Variants in PIEZO2 observed in about 807,000 individuals in gnomAD.
The protein encoded by PIEZO2 is piezo type mechanosensitive ion channel component 2.
A neutral mutation model predicts 337.3 loss-of-function variants in PIEZO2; 172 were observed. The ratio of observed to expected loss-of-function variants is 0.51; its 90% CI spans 0.45 to 0.58. The LOEUF is 0.58. Ranked by LOEUF, PIEZO2 falls within the 20% of genes least tolerant of loss-of-function variation. The pLI, the probability that PIEZO2 is intolerant of heterozygous loss-of-function variation, is 0.00. For synonymous variants in PIEZO2, 1,251 were observed against 1,228.5 expected (o/e 1.02, Z -0.38); for missense variants, 3,028 against 3,391.3 (o/e 0.89, Z 2.66).
Position 11,148,489 on chromosome 18 carries a change from C to T in PIEZO2, c.64+36G>A, listed in dbSNP as rs1382795012. Reference sequence around the variant, plus strand: ...CCCCCACCCAGGCGCCCCCCTCGTCCTCCTCAAGTGCCCTCGGAAAGCGGA... The same window carrying T: ...CCCCCACCCAGGCGCCCCCCTCGTCTTCCTCAAGTGCCCTCGGAAAGCGGA... On this transcript the variant is annotated intron_variant, in intron 1 of 55. Coordinates refer to ENST00000674853, the MANE Select transcript of PIEZO2 (RefSeq NM_001378183.1). The surrounding 1 kb of genome is among the most constrained non-coding windows in gnomAD (Gnocchi z 5.2). The T allele has an allele frequency of 1.3e-6, 2 of 1,535,994 alleles. No individual in the cohort carries two copies. The highest frequency in any genetic ancestry group is 1.7e-6 in the Non-Finnish European group (2 of 1,145,866).
chr18:10,944,014 A>G (rs111559586), intron 3 of PIEZO2, among the ~76,000 whole-genome samples: 4,620 of 152,294 alleles, frequency 0.03, 233 homozygotes, highest in African/African-American at 0.1. Context: ...CTCCCCAGCC[A>G]TGTGGAACCG....
rs564405296 is a variant in PIEZO2, at chr18:10,799,965, T to A, written c.1378+372A>T. Among the ~76,000 whole-genome samples the A allele has an allele frequency of 1.3e-3, 115 of 86,794 alleles. 1 individual carries two copies. Among genetic ancestry groups the A allele is most frequent in the African/African-American group, 4.7e-3 (114 of 24,072 alleles). The allele number at this position is 86,794 out of a possible 152,430, so 56.9% of individuals were successfully genotyped here. A position where few individuals can be genotyped will look rare whatever the true frequency, so the allele number is the denominator to read the frequency against. ...TCCAGCCTGGGAGACAGAGCGAGAC[T>A]CTGTCTCAAAAAAAAAAAAAAAAAA... On this transcript the variant is annotated intron_variant, in intron 11 of 55. Transcript: ENST00000674853.
intron 18 of PIEZO2, among the ~76,000 whole-genome samples, chr18:10,777,839 T>A (rs570070031): frequency 2.0e-5 from 3 of 152,226 alleles, no homozygotes; most frequent in Admixed American, 6.5e-5. Context: ...AGATAAATTA[T>A]TATCTAGAAC....
chr18:10,845,397 G>A (rs114821228), intron 7 of PIEZO2, among the ~76,000 whole-genome samples: 98 of 152,080 alleles, frequency 6.4e-4, no homozygotes, highest in African/African-American at 2.2e-3. Flanking sequence ...TTATTTGGTT[G>A]GATTAGATTT....
At chr18:10,751,593 A>G (rs2037646707) in intron 28 of PIEZO2, among the ~76,000 whole-genome samples, 1 of 86,658 alleles carries the variant, frequency 1.2e-5, no homozygotes, top group East Asian at 3.9e-4. Flanking sequence ...TTCTAGACAC[A>G]GTGATACACG....
At chr18:10,867,096 A>G (rs2042026271) in intron 5 of PIEZO2, among the ~76,000 whole-genome samples, 1 of 152,206 alleles carries the variant, frequency 6.6e-6, no homozygotes, top group South Asian at 2.1e-4. Context: ...AAAGTTTGCA[A>G]GGCAACTGGG....
At chr18:10,932,651 G>T (rs1044180237) in intron 3 of PIEZO2, among the ~76,000 whole-genome samples, 2 of 152,136 alleles carry the variant, frequency 1.3e-5, no homozygotes, top group Non-Finnish European at 2.9e-5. Context: ...AGCCAGGCGT[G>T]GTGGCTCAAG....
chr18:11,111,957 C>A lies in PIEZO2; in HGVS notation c.64+36568G>T, dbSNP rs933047995. 6.6e-6 allele frequency among the ~76,000 whole-genome samples: 1 copy of A among 152,150 alleles called. No individual in the cohort carries two copies. The highest frequency in any genetic ancestry group is 1.5e-5 in the Non-Finnish European group (1 of 68,034). On this transcript the variant is annotated intron_variant, in intron 1 of 55. Coordinates refer to ENST00000674853, the MANE Select transcript of PIEZO2 (RefSeq NM_001378183.1). The surrounding 1 kb of genome is among the most constrained non-coding windows in gnomAD (Gnocchi z 6.2). ...ATCTTCTGCAGGCCACTTCATGAGT[C>A]CCCTTGAATCCTCTGAGGTTCTGAC...
Position 10,979,604 on chromosome 18 carries a change from G to C in PIEZO2, c.217C>G (p.Leu73Val), listed in dbSNP as rs757777810. ...LCFISLSFLLLHIIFHITLVS... is the reference protein window; with the variant it reads ...LCFISLSFLLVHIIFHITLVS... ...AACGTGATGTGGAAAATGATGTGCA[G>C]CAACAGGAAGGAAAGACTGATGAAG... Residue 73 changes from leucine (L) to valine (V), a missense_variant, in exon 3 of 56, where the codon CTG becomes GTG. By Grantham distance (32) the Leu-to-Val change is conservative. Around this residue, in one of 5 missense-constraint regions of PIEZO2, gnomAD observed 542 missense variants for 605.6 expected, o/e 0.89. Transcript: ENST00000674853. The surrounding 1 kb of genome is among the most constrained non-coding windows in gnomAD (Gnocchi z 4.0). 2.6e-6 allele frequency: 4 copies of C among 1,536,210 alleles called. No individual in the cohort carries two copies. In the South Asian group the frequency reaches 4.8e-5, roughly 18 times the overall value.
In PIEZO2 at chr18:11,102,028, G is replaced by T. The variant is rs2146097370; in HGVS notation, c.65-35806C>A. On this transcript the variant is annotated intron_variant, in intron 1 of 55. Transcript: ENST00000674853. This position sits in a 1 kb window ranked among gnomAD's most constrained non-coding sequence, Gnocchi z 5.7. ...CCTGGGGATCCTGGGGCCCTGATTTGGAGGCTATAGACTTAAGCATTCAGA... is the reference window on the plus strand; with the variant it reads ...CCTGGGGATCCTGGGGCCCTGATTTTGAGGCTATAGACTTAAGCATTCAGA... Among the ~76,000 whole-genome samples the T allele has an allele frequency of 6.6e-6, 1 of 152,258 alleles. No individual in the cohort carries two copies.
chr18:10,940,605 T>C lies in PIEZO2; in HGVS notation c.287-29377A>G, dbSNP rs994050803. Among the ~76,000 whole-genome samples the C allele has an allele frequency of 3.3e-5, 5 of 152,228 alleles. No homozygotes were observed. Among genetic ancestry groups the C allele is most frequent in the African/African-American group, 1.2e-4 (5 of 41,454 alleles). On this transcript the variant is annotated intron_variant, in intron 3 of 55. Coordinates refer to ENST00000674853, the MANE Select transcript of PIEZO2 (RefSeq NM_001378183.1). This position sits in a 1 kb window ranked among gnomAD's most constrained non-coding sequence, Gnocchi z 5.3. ...CAGGCCGGGCACTGCTGCTCATGCC[T>C]GTAATCCCAACACTTCGAGAGGCCC...
intron 3 of PIEZO2, among the ~76,000 whole-genome samples, chr18:10,921,383 C>T (rs1180813081): frequency 1.3e-5 from 2 of 152,108 alleles, no homozygotes; most frequent in African/African-American, 4.8e-5. Context: ...TTTGTTAGTT[C>T]CCCAAATTAA....
In PIEZO2 at chr18:10,879,239, A is replaced by G. The variant is rs79895647; in HGVS notation, c.330-7824T>C. Reference sequence around the variant, plus strand: ...TGTAGATGAAGTCCCATTTTAATAAATCAGTGAGACCAATGTGTCCATTTT... The same window carrying G: ...TGTAGATGAAGTCCCATTTTAATAAGTCAGTGAGACCAATGTGTCCATTTT... On this transcript the variant is annotated intron_variant, in intron 4 of 55. Coordinates refer to ENST00000674853, the MANE Select transcript of PIEZO2 (RefSeq NM_001378183.1). Among the ~76,000 whole-genome samples the G allele has an allele frequency of 3.6e-3, 550 of 152,296 alleles. 4 individuals carry two copies. The highest frequency in any genetic ancestry group is 0.013 in the African/African-American group (521 of 41,548).
intron 49 of PIEZO2, among the ~76,000 whole-genome samples, chr18:10,687,225 A>G (rs1220818837): frequency 6.6e-6 from 1 of 152,074 alleles, no homozygotes; most frequent in Non-Finnish European, 1.5e-5. Flanking sequence ...AGATCATCCC[A>G]TCACCTAGGT....
In PIEZO2 at chr18:11,146,345, C is replaced by T. The variant is rs955995479; in HGVS notation, c.64+2180G>A. ...CCCCAGCCTGCCCTGGGGCACAAGCCAGCCAGCAGGAGGTGAACAGTGTGC... is the reference window on the plus strand; with the variant it reads ...CCCCAGCCTGCCCTGGGGCACAAGCTAGCCAGCAGGAGGTGAACAGTGTGC... On this transcript the variant is annotated intron_variant, in intron 1 of 55. Transcript: ENST00000674853. This position sits in a 1 kb window ranked among gnomAD's most constrained non-coding sequence, Gnocchi z 6.1. Among the ~76,000 whole-genome samples the T allele has an allele frequency of 1.3e-5, 2 of 152,176 alleles. No individual in the cohort carries two copies. Among genetic ancestry groups the T allele is most frequent in the African/African-American group, 4.8e-5 (2 of 41,448 alleles).
At position 11,125,407 on chromosome 18, in the gene PIEZO2, T is replaced by C. The variant is rs1457834806; in HGVS notation, c.64+23118A>G. ...TTTTAAAATCCAACTTTTGCCATTA[T>C]CTGAAGATACTTGAGAAAGGAAACA... On this transcript the variant is annotated intron_variant, in intron 1 of 55. Coordinates refer to ENST00000674853, the MANE Select transcript of PIEZO2 (RefSeq NM_001378183.1). The surrounding 1 kb of genome is among the most constrained non-coding windows in gnomAD (Gnocchi z 4.4). 1.3e-5 allele frequency among the ~76,000 whole-genome samples: 2 copies of C among 152,226 alleles called. No individual in the cohort carries two copies. The highest frequency in any genetic ancestry group is 2.4e-5 in the African/African-American group (1 of 41,462).
chr18:11,113,741 C>T (rs567200031), intron 1 of PIEZO2, among the ~76,000 whole-genome samples: 6 of 152,322 alleles, frequency 3.9e-5, no homozygotes, highest in Non-Finnish European at 7.4e-5. Flanking sequence ...ATCCCCTTAG[C>T]ACATTCTCTG....
chr18:10,831,827 C>T (rs2040850970), intron 7 of PIEZO2, among the ~76,000 whole-genome samples: 1 of 152,132 alleles, frequency 6.6e-6, no homozygotes, highest in African/African-American at 2.4e-5. Context: ...GTTTAAATGA[C>T]ATTCCACATC....
intron 18 of PIEZO2, among the ~76,000 whole-genome samples, chr18:10,774,286 C>T (rs763241798): frequency 3.9e-5 from 6 of 152,176 alleles, no homozygotes; most frequent in Non-Finnish European, 8.8e-5. Flanking sequence ...AGAGAGCATA[C>T]TGAGACTGCT....
Sources: allele counts gnomAD v4.1 joint callset (sites outside exome capture counted in the v4.1 genomes callset), GRCh38; gene constraint gnomAD v4.1.1; regional missense constraint gnomAD v4.1.1; non-coding constraint Gnocchi (gnomAD v3.1); transcripts MANE v1.5; gene names NCBI Gene and HGNC (gene_info 2026-07-23, HGNC 2026-07-21).